The following PTP4A1 variants were observed in gnomAD, a reference collection of about 807,000 sequenced individuals.
The protein encoded by PTP4A1 is protein tyrosine phosphatase 4A1.
Under a neutral mutation model 20.5 loss-of-function variants are expected in PTP4A1, and 9 were observed. The observed-to-expected ratio is 0.44, with a 90% CI of 0.26 to 0.77. The LOEUF (loss-of-function observed/expected upper bound fraction) is 0.77, where lower values mean the gene tolerates loss of function less well. PTP4A1 is among the 30% of genes least tolerant of loss of function. PTP4A1 has a pLI of 0.19. For missense variants in PTP4A1, 137 were observed against 218.8 expected, an observed-to-expected ratio of 0.63 and a Z score of 2.36; for synonymous variants, 78 against 67.4, an observed-to-expected ratio of 1.16 and a Z score of -0.77.
At chr6:63,529,131 G>GTGTGTATATATATATATATGTATATATA (rs1562112355) in intron 2 of PTP4A1, among the ~76,000 whole-genome samples, 7 of 131,190 alleles carry the variant, frequency 5.3e-5, no homozygotes, top group African/African-American at 1.8e-4. Context: ...GTATATATAT[G>GTGTGTATATATATATATATGTATATATA]TGTGTGTATA....
rs370785022 is a variant in PTP4A1 at position 63,529,996 on chromosome 6, A to G, written c.-640+1912A>G. ...ATTATTTAGGTACCTTTATAGAGTT[A>G]TGAGTAATATTTCACTTTTTGACAA... On this transcript the variant is annotated intron_variant, in intron 2 of 3. Coordinates refer to the PTP4A1 transcript ENST00000639568. Among the ~76,000 whole-genome samples, 7 of 152,266 alleles carry G rather than the reference A, an allele frequency of 4.6e-5. No individual in the cohort carries two copies. The East Asian group carries it at 7.7e-4, about 17-fold the overall frequency.
At chr6:63,545,333 G>A (rs1049295601) in intron 2 of PTP4A1, among the ~76,000 whole-genome samples, 1 of 152,178 alleles carries the variant, frequency 6.6e-6, no homozygotes, top group Non-Finnish European at 1.5e-5. Flanking sequence ...TCTTAGGCTG[G>A]GTGTGGTGGC....
chr6:63,544,835 G>T (rs1326975539), intron 2 of PTP4A1, among the ~76,000 whole-genome samples: 1 of 152,126 alleles, frequency 6.6e-6, no homozygotes, highest in African/African-American at 2.4e-5. Context: ...CATTACTGAA[G>T]ATATTAACTT....
intron 2 of PTP4A1, among the ~76,000 whole-genome samples, chr6:63,530,392 T>C (rs1775400578): frequency 6.6e-6 from 1 of 152,144 alleles, no homozygotes; most frequent in Non-Finnish European, 1.5e-5. Flanking sequence ...CCAGGAGTGG[T>C]TTGCCCTGCC....
At chr6:63,517,826 C>T (rs1415818343), upstream of PTP4A1, among the ~76,000 whole-genome samples, 2 of 152,056 alleles carry the variant, frequency 1.3e-5, no homozygotes, top group Non-Finnish European at 2.9e-5. Context: ...ACTAGCGCAA[C>T]CCAATAGTTT....
intron 2 of PTP4A1, among the ~76,000 whole-genome samples, chr6:63,537,320 G>A (rs1581917497): frequency 6.6e-6 from 1 of 152,166 alleles, no homozygotes; most frequent in East Asian, 1.9e-4. Flanking sequence ...ACTGTGCAGT[G>A]GAGCCAGGAA....
At chr6:63,570,904 C>T (rs1777388856), upstream of PTP4A1, 1 of 152,108 alleles carries the variant, frequency 6.6e-6, no homozygotes, top group Non-Finnish European at 1.5e-5. Context: ...GAAATCTGTC[C>T]CTTTTTTTCG....
intron 1 of PTP4A1, among the ~76,000 whole-genome samples, chr6:63,576,078 CAT>C (rs970994101): frequency 2.3e-4 from 35 of 149,602 alleles, no homozygotes; most frequent in East Asian, 1.4e-3. Context: ...TTATTAGAAT[CAT>C]ATAATTATAT....
At chr6:63,562,767 T>C (rs2149497127) in intron 3 of PTP4A1, among the ~76,000 whole-genome samples, 1 of 152,372 alleles carries the variant, frequency 6.6e-6, no homozygotes, top group African/African-American at 2.4e-5. Flanking sequence ...GTCCCGCTGC[T>C]ATATTCTCAA....
upstream of PTP4A1, among the ~76,000 whole-genome samples, chr6:63,518,755 A>G (rs1400331591): frequency 6.6e-6 from 1 of 152,270 alleles, no homozygotes; most frequent in Admixed American, 6.5e-5. Context: ...TTGCAATAAT[A>G]ATGCAATAAT....
At position 63,581,081 on chromosome 6, in the gene PTP4A1, T is replaced by TGA. The variant is rs1778196872; in HGVS notation, c.*907_*908insGA. The TGA allele has an allele frequency of 6.6e-6, 1 of 152,208 alleles. No homozygotes were observed. The highest frequency in any genetic ancestry group is 1.5e-5 in the Non-Finnish European group (1 of 68,006). The allele number at this position is 152,208 out of a possible 1,614,324, so 9.4% of individuals were successfully genotyped here. A position where few individuals can be genotyped will look rare whatever the true frequency, so the allele number is the denominator to read the frequency against. ...AATCATAAACTTCCTGAAATTCTTG[T>TGA]AATTTTTTTCCCATACTTATCAGAA... On this transcript the variant is annotated 3_prime_UTR_variant, in exon 6 of 6. Transcript: ENST00000626021.
intron 3 of PTP4A1, among the ~76,000 whole-genome samples, chr6:63,566,662 G>T (rs544556341): frequency 1.3e-5 from 2 of 152,348 alleles, no homozygotes; most frequent in East Asian, 3.9e-4. Context: ...CCTCAGTGAT[G>T]ATGGCAGCTG....
At chr6:63,560,972 A>G (rs541224298) in intron 3 of PTP4A1, among the ~76,000 whole-genome samples, 33 of 152,346 alleles carry the variant, frequency 2.2e-4, no homozygotes, top group East Asian at 3.9e-4. Flanking sequence ...CACTTTTACT[A>G]AACTCATGGA....
chr6:63,542,556 C>T (rs771412330), intron 2 of PTP4A1, among the ~76,000 whole-genome samples: 1 of 152,126 alleles, frequency 6.6e-6, no homozygotes, highest in Non-Finnish European at 1.5e-5. Context: ...TGTTGCCTCT[C>T]TCCAATCTCT....
chr6:63,538,668 A>G (rs1390018986), intron 2 of PTP4A1, among the ~76,000 whole-genome samples: 4 of 152,212 alleles, frequency 2.6e-5, no homozygotes, highest in Admixed American at 2.0e-4. Context: ...TTAAGATAGC[A>G]TGAAAATGTG....
intron 1 of PTP4A1, among the ~76,000 whole-genome samples, chr6:63,575,759 A>G (rs1232932824): frequency 6.6e-6 from 1 of 152,206 alleles, no homozygotes; most frequent in African/African-American, 2.4e-5. Context: ...GATATTTCAC[A>G]TAACAAGTTG....
intron 5 of PTP4A1, 130 bp downstream of exon 5, chr6:63,579,461 C>A: frequency 1.7e-6 from 1 of 587,574 alleles, no homozygotes; most frequent in Non-Finnish European, 2.7e-6. Flanking sequence ...ACCAGGAAAT[C>A]AAGATCTTAC....
chr6:63,526,866 A>G (rs921760908), intron 1 of PTP4A1, among the ~76,000 whole-genome samples: 2 of 145,070 alleles, frequency 1.4e-5, no homozygotes, highest in South Asian at 2.2e-4. Flanking sequence ...AAGGGCTTCC[A>G]TAGGATGCAT....
chr6:63,528,677 C>T (rs1438469006), intron 2 of PTP4A1, among the ~76,000 whole-genome samples: 2 of 152,124 alleles, frequency 1.3e-5, no homozygotes, highest in Non-Finnish European at 2.9e-5. Context: ...GGGAGGATTA[C>T]CTGAGCACGG....
Sources: allele counts gnomAD v4.1 joint callset (sites outside exome capture counted in the v4.1 genomes callset), GRCh38; gene constraint gnomAD v4.1.1; transcripts MANE v1.5; gene names NCBI Gene and HGNC (gene_info 2026-07-23, HGNC 2026-07-21).